The following ADAMTS2 variants were observed in gnomAD, a reference collection of about 807,000 sequenced individuals.
ADAMTS2 encodes ADAM metallopeptidase with thrombospondin type 1 motif 2.
A neutral mutation model predicts 123.0 loss-of-function variants in ADAMTS2; 50 were observed. The ratio of observed to expected loss-of-function variants is 0.41; its 90% CI spans 0.32 to 0.51. The LOEUF is 0.51. Ranked by LOEUF, ADAMTS2 falls within the 20% of genes least tolerant of loss-of-function variation. The pLI is 0.35. For synonymous variants in ADAMTS2, 678 were observed against 695.4 expected (o/e 0.98, Z 0.39); for missense variants, 1,494 against 1,705.2 (o/e 0.88, Z 2.18).
intron 9 of ADAMTS2, among the ~76,000 whole-genome samples, chr5:179,152,909 C>T (rs957920780): frequency 3.3e-5 from 5 of 152,130 alleles, no homozygotes; most frequent in African/African-American, 7.2e-5. Flanking sequence ...CTAGCCTCTC[C>T]GGGTCTCTGT....
At position 179,170,501 on chromosome 5, in the gene ADAMTS2, G is replaced by A. The variant is rs1763794246; in HGVS notation, c.975+10571C>T. Among the ~76,000 whole-genome samples the A allele has an allele frequency of 6.6e-6, 1 of 152,188 alleles. No homozygotes were observed. ...CTCATTCCTTGACGGGAAGCCTGTG[G>A]TTCCTTGAAGAGCAGCTCATCAGAA... On this transcript the variant is annotated intron_variant, in intron 5 of 21. Transcript: ENST00000251582. The surrounding 1 kb of genome is among the most constrained non-coding windows in gnomAD (Gnocchi z 4.3).
intron 2 of ADAMTS2, among the ~76,000 whole-genome samples, chr5:179,302,207 A>C (rs1170036777): frequency 6.6e-6 from 1 of 151,826 alleles, no homozygotes. Context: ...CATGCCTGTA[A>C]TCCCAGCATT....
intron 2 of ADAMTS2, among the ~76,000 whole-genome samples, chr5:179,328,704 A>G (rs1757379055): frequency 6.6e-6 from 1 of 152,254 alleles, no homozygotes; most frequent in South Asian, 2.1e-4. Flanking sequence ...CTGTATTATA[A>G]ATTAAAAGTG....
chr5:179,233,762 C>G (rs1464397365), intron 3 of ADAMTS2, among the ~76,000 whole-genome samples: 1 of 152,200 alleles, frequency 6.6e-6, no homozygotes, highest in African/African-American at 2.4e-5. Flanking sequence ...ACTGACTACA[C>G]TGAAGCCCTC....
Position 179,314,407 on chromosome 5 carries a change from C to T in ADAMTS2, c.534+29360G>A, listed in dbSNP as rs112639528. On this transcript the variant is annotated intron_variant, in intron 2 of 21. Transcript: ENST00000251582. The surrounding 1 kb of genome is among the most constrained non-coding windows in gnomAD (Gnocchi z 4.5). ...GAGTGCAGGGAGCGGCAAGGCCAGG[C>T]TCCTCCCCACCCCGTGGCGTGGCGT... 7.8e-3 allele frequency among the ~76,000 whole-genome samples: 1,180 copies of T among 152,174 alleles called. 12 individuals carry two copies. The highest frequency in any genetic ancestry group is 0.013 in the Non-Finnish European group (867 of 68,024).
At chr5:179,201,631 CAAAAAAA>C (rs58141791) in intron 4 of ADAMTS2, among the ~76,000 whole-genome samples, 20 of 91,912 alleles carry the variant, frequency 2.2e-4, no homozygotes, top group Middle Eastern at 7.6e-3. Flanking sequence ...ACTAAAAATA[CAAAAAAA>C]AAAAAAAAAA....
Position 179,345,233 on chromosome 5 carries a change from C to T in ADAMTS2, c.96G>A (p.Pro32=), listed in dbSNP as rs1386502355. Residue 32 remains proline, a synonymous_variant, in exon 1 of 22, where the codon CCG becomes CCA. Transcript: ENST00000251582. The surrounding 1 kb of genome is among the most constrained non-coding windows in gnomAD (Gnocchi z 7.5). ...CGGCGAGCCTGGCGTTCGCGGGCGG[C>T]GGCGGCGGCGGCAGGAGCGGCGGCG... The part of the protein sequence containing the change: ...LLPPPLLPPP[P]PPANARLAAA... 1.8e-6 allele frequency: 2 copies of T among 1,138,876 alleles called. No individual in the cohort carries two copies. Among genetic ancestry groups the T allele is most frequent in the East Asian group, 4.9e-5 (1 of 20,406 alleles). 70.5% of individuals were successfully genotyped at this position (1,138,876 alleles called of 1,614,324 possible).
chr5:179,341,244 G>A lies in ADAMTS2; in HGVS notation c.534+2523C>T, dbSNP rs112721474. 797 of 267,116 alleles carry A rather than the reference G, an allele frequency of 3.0e-3. 10 individuals carry two copies. The highest frequency in any genetic ancestry group is 0.02 in the South Asian group (615 of 31,012). The allele number at this position is 267,116 out of a possible 1,614,324, so 16.5% of individuals were successfully genotyped here. A position where few individuals can be genotyped will look rare whatever the true frequency, so the allele number is the denominator to read the frequency against. On this transcript the variant is annotated intron_variant, in intron 2 of 21. Transcript: ENST00000251582. ...AAGTCAGAAAAGGAAAGAAGAGGCC[G>A]GGCGCGGTGGCTGAGGCCTGTAATC... is the stretch of plus-strand genomic sequence containing the variant.
chr5:179,198,422 G>A, intron 4 of ADAMTS2, among the ~76,000 whole-genome samples: 1 of 152,196 alleles, frequency 6.6e-6, no homozygotes, highest in Non-Finnish European at 1.5e-5. Context: ...ACGGGGGAAT[G>A]TGGGCATCCC....
chr5:179,310,925 A>C (rs986125259), intron 2 of ADAMTS2, among the ~76,000 whole-genome samples: 15 of 151,922 alleles, frequency 9.9e-5, no homozygotes, highest in Non-Finnish European at 1.5e-4. Context: ...CAGGGTGCCC[A>C]ACCCCACCTG....
intron 2 of ADAMTS2, among the ~76,000 whole-genome samples, chr5:179,294,851 C>T (rs531668604): frequency 2.3e-3 from 345 of 152,354 alleles, no homozygotes; most frequent in Non-Finnish European, 3.1e-3. Context: ...GTCATGTATA[C>T]ACTCAACAGG....
intron 2 of ADAMTS2, among the ~76,000 whole-genome samples, chr5:179,277,325 C>CT (rs1306028278): frequency 1.1e-4 from 6 of 52,926 alleles, no homozygotes; most frequent in East Asian, 6.5e-4. Flanking sequence ...GCTGACACCC[C>CT]GAGACCAAAG....
intron 4 of ADAMTS2, among the ~76,000 whole-genome samples, chr5:179,195,835 CA>C (rs1217130513): frequency 6.6e-6 from 1 of 152,254 alleles, no homozygotes; most frequent in African/African-American, 2.4e-5. Context: ...GCAACACCCC[CA>C]GGGCCACAGC....
At chr5:179,214,343 C>T (rs1764926137) in intron 3 of ADAMTS2, among the ~76,000 whole-genome samples, 2 of 152,204 alleles carry the variant, frequency 1.3e-5, no homozygotes, top group Non-Finnish European at 2.9e-5. Context: ...AAACCCTAAA[C>T]ATCTGAAATT....
In ADAMTS2 at chr5:179,129,396, A is replaced by G. The variant is rs1270191214; in HGVS notation, c.2457+536T>C. Reference sequence around the variant, plus strand: ...GTGATATGTACCTTTTTTGACAAATAAAATATATCCCTATGCAGTTAAATT... The same window carrying G: ...GTGATATGTACCTTTTTTGACAAATGAAATATATCCCTATGCAGTTAAATT... On this transcript the variant is annotated intron_variant, in intron 16 of 21. Coordinates refer to ENST00000251582, the MANE Select transcript of ADAMTS2 (RefSeq NM_014244.5). This position sits in a 1 kb window ranked among gnomAD's most constrained non-coding sequence, Gnocchi z 4.1. Among the ~76,000 whole-genome samples, 1 of 152,222 alleles carries G rather than the reference A, an allele frequency of 6.6e-6. No individual in the cohort carries two copies. Among genetic ancestry groups the G allele is most frequent in the Non-Finnish European group, 1.5e-5 (1 of 68,042 alleles).
Position 179,189,065 on chromosome 5 carries a change from C to T in ADAMTS2, c.892-7910G>A, listed in dbSNP as rs573172346. ...CATGGGCTCTGCCACAATCCTGCTG[C>T]GTGACTTGGGGCCAGTTACTTAACC... On this transcript the variant is annotated intron_variant, in intron 4 of 21. Coordinates refer to ENST00000251582, the MANE Select transcript of ADAMTS2 (RefSeq NM_014244.5). This position sits in a 1 kb window ranked among gnomAD's most constrained non-coding sequence, Gnocchi z 4.2. 2.0e-3 allele frequency among the ~76,000 whole-genome samples: 297 copies of T among 152,268 alleles called. 1 individual carries two copies. The highest frequency in any genetic ancestry group is 2.8e-3 in the African/African-American group (115 of 41,548).
rs1328510165 is a variant in ADAMTS2, at chr5:179,284,185, C to G, written c.535-11121G>C. ...CTCTACTAAAAACACAAAAATTAGC[C>G]GGGCTTGGTGGTACGCGCCTGTGGT... On this transcript the variant is annotated intron_variant, in intron 2 of 21. Transcript: ENST00000251582. Among the ~76,000 whole-genome samples, 18 of 150,338 alleles carry G rather than the reference C, an allele frequency of 1.2e-4. 1 individual carries two copies. Among genetic ancestry groups the G allele is most frequent in the Non-Finnish European group, 2.2e-4 (15 of 67,614 alleles).
chr5:179,284,546 C>T (rs1374302157), intron 2 of ADAMTS2, among the ~76,000 whole-genome samples: 7 of 151,958 alleles, frequency 4.6e-5, no homozygotes, highest in African/African-American at 1.7e-4. Context: ...AACACCATGC[C>T]TGGCTAATTT....
chr5:179,267,716 C>A (rs1409759225), intron 3 of ADAMTS2, among the ~76,000 whole-genome samples: 1 of 152,204 alleles, frequency 6.6e-6, no homozygotes, highest in Non-Finnish European at 1.5e-5. Flanking sequence ...CGGGAGGGGA[C>A]CCCAGGCATG....
Sources: allele counts gnomAD v4.1 joint callset (sites outside exome capture counted in the v4.1 genomes callset), GRCh38; gene constraint gnomAD v4.1.1; non-coding constraint Gnocchi (gnomAD v3.1); transcripts MANE v1.5; gene names NCBI Gene and HGNC (gene_info 2026-07-23, HGNC 2026-07-21).